The following ZBTB20 variants were observed in gnomAD, a reference collection of about 807,000 sequenced individuals.
The protein encoded by ZBTB20 is zinc finger and BTB domain containing 20.
Under a neutral mutation model 56.9 loss-of-function variants are expected in ZBTB20, and 9 were observed. The ratio of observed to expected loss-of-function variants is 0.16; its 90% CI spans 0.10 to 0.28. ZBTB20 has a LOEUF of 0.28. Among genes scored for constraint, ZBTB20 ranks in the 10% least tolerant of loss-of-function variants. The probability of loss-of-function intolerance (pLI) is 1.00; values close to 1 mark genes in which losing one functional copy is unlikely to be tolerated. For synonymous variants in ZBTB20, 417 were observed against 420.7 expected (o/e 0.99, Z 0.11); for missense variants, 655 against 1,003.0 (o/e 0.65, Z 4.69).
rs2067739432 is a variant in ZBTB20, at chr3:114,753,391, G to GTA, written c.-343+47708_-343+47709dup. ...ATATATAATGTATATACACATACAT[G>GTA]TATGTATATATATACACACACGTAT... On this transcript the variant is annotated intron_variant, in intron 5 of 11. Transcript: ENST00000675478. Among the ~76,000 whole-genome samples the GTA allele has an allele frequency of 3.7e-4, 6 of 16,096 alleles. 2 individuals are homozygous for GTA. Among genetic ancestry groups the GTA allele is most frequent in the East Asian group, 8.3e-3 (2 of 242 alleles). The allele number at this position is 16,096 out of a possible 152,430, so 10.6% of individuals were successfully genotyped here.
chr3:114,544,317 A>G (rs2110127349), intron 6 of ZBTB20, among the ~76,000 whole-genome samples: 1 of 152,314 alleles, frequency 6.6e-6, no homozygotes, highest in African/African-American at 2.4e-5. Flanking sequence ...TAAAAATACA[A>G]TGATTTGAAG....
At chr3:114,929,020 A>G in intron 3 of ZBTB20, among the ~76,000 whole-genome samples, 1 of 152,230 alleles carries the variant, frequency 6.6e-6, no homozygotes, top group Non-Finnish European at 1.5e-5. Context: ...TATCTGCTTT[A>G]GTGAGTTTAT....
At chr3:114,499,772 AAG>A (rs1415997905) in intron 7 of ZBTB20, among the ~76,000 whole-genome samples, 4 of 152,158 alleles carry the variant, frequency 2.6e-5, no homozygotes, top group Non-Finnish European at 4.4e-5. Context: ...TTTTCTAAAA[AAG>A]AGTGGTACCT....
chr3:114,374,922 G>C (rs1378607444), intron 10 of ZBTB20, among the ~76,000 whole-genome samples: 1 of 152,172 alleles, frequency 6.6e-6, no homozygotes, highest in Non-Finnish European at 1.5e-5. Context: ...TCAGCTTTCC[G>C]ATTGGAAACT....
At chr3:114,893,824 A>G (rs1039009146) in intron 4 of ZBTB20, among the ~76,000 whole-genome samples, 5 of 152,162 alleles carry the variant, frequency 3.3e-5, no homozygotes, top group African/African-American at 1.2e-4. Flanking sequence ...CATCCATACA[A>G]ATGGGGGCCA....
chr3:114,800,912 G>A (rs1004086511), intron 5 of ZBTB20, among the ~76,000 whole-genome samples, 189 bp downstream of exon 5: 1 of 151,528 alleles, frequency 6.6e-6, no homozygotes, highest in Non-Finnish European at 1.5e-5. Context: ...ATTTAGGTTG[G>A]ATAAAAAAGA....
chr3:114,522,823 T>C (rs1229844763), intron 6 of ZBTB20, among the ~76,000 whole-genome samples: 1 of 152,198 alleles, frequency 6.6e-6, no homozygotes, highest in Admixed American at 6.5e-5. Flanking sequence ...GGAGGCTATG[T>C]ATTTGCTTGG....
rs144906157 is a variant in ZBTB20 at position 114,956,907 on chromosome 3, C to T, written c.-456+17459G>A. 3.8e-3 allele frequency among the ~76,000 whole-genome samples: 577 copies of T among 152,256 alleles called. 2 individuals carry two copies. Among genetic ancestry groups the T allele is most frequent in the Non-Finnish European group, 6.2e-3 (425 of 68,016 alleles). On this transcript the variant is annotated intron_variant, in intron 3 of 11. Transcript: ENST00000675478. ...ACATAATGCCACATGGTTCCTAATA[C>T]GCAACAATGTACACTGTTCCAGCAA...
At chr3:114,423,827 A>T (rs2718436) in intron 7 of ZBTB20, among the ~76,000 whole-genome samples, 138,960 of 152,226 alleles carry the variant, frequency 0.91, 64,773 homozygotes, top group East Asian at 1. Context: ...AGGCTTTGGC[A>T]TCTCATAAAA....
At chr3:114,719,103 T>C (rs2064721398) in intron 5 of ZBTB20, among the ~76,000 whole-genome samples, 1 of 143,386 alleles carries the variant, frequency 7.0e-6, no homozygotes, top group South Asian at 2.2e-4. Flanking sequence ...GAAGAAGAAG[T>C]AAAGATTAGC....
chr3:115,041,205 A>G (rs931091391), intron 2 of ZBTB20, among the ~76,000 whole-genome samples: 1 of 152,138 alleles, frequency 6.6e-6, no homozygotes, highest in African/African-American at 2.4e-5. Context: ...ATATGTGTAA[A>G]ACACCTAAAC....
intron 4 of ZBTB20, among the ~76,000 whole-genome samples, chr3:114,879,463 G>GCC (rs2076316071): frequency 1.3e-5 from 2 of 152,122 alleles, no homozygotes; most frequent in Admixed American, 6.5e-5. Flanking sequence ...ACTGGAATGA[G>GCC]TAGTCAGGAA....
intron 4 of ZBTB20, among the ~76,000 whole-genome samples, chr3:114,895,604 T>A (rs962301866): frequency 2.6e-5 from 4 of 152,262 alleles, no homozygotes; most frequent in African/African-American, 9.6e-5. Context: ...GAGCCATAAT[T>A]GGACCAAAGT....
At chr3:114,381,681 G>C (rs1241134794) in intron 8 of ZBTB20, among the ~76,000 whole-genome samples, 1 of 152,208 alleles carries the variant, frequency 6.6e-6, no homozygotes, top group Admixed American at 6.5e-5. Context: ...TTGTTATGCA[G>C]AATATTTTGT....
intron 4 of ZBTB20, among the ~76,000 whole-genome samples, chr3:114,869,225 T>G (rs949991675): frequency 6.6e-6 from 1 of 152,182 alleles, no homozygotes; most frequent in African/African-American, 2.4e-5. Flanking sequence ...TCAAAACTCC[T>G]TAGAAGCTCG....
At chr3:114,357,331 G>T (rs573838218) in intron 10 of ZBTB20, 1 of 152,232 alleles carries the variant, frequency 6.6e-6, no homozygotes, top group South Asian at 2.1e-4. Flanking sequence ...TGCAGGAATG[G>T]CTACCTATGA....
At chr3:114,773,424 A>G (rs1046559268) in intron 5 of ZBTB20, among the ~76,000 whole-genome samples, 1 of 152,214 alleles carries the variant, frequency 6.6e-6, no homozygotes, top group African/African-American at 2.4e-5. Context: ...AGGAACCACT[A>G]CTATGAAAAA....
chr3:114,637,041 T>A (rs1156444263), intron 6 of ZBTB20, among the ~76,000 whole-genome samples: 2 of 152,076 alleles, frequency 1.3e-5, no homozygotes, highest in Non-Finnish European at 2.9e-5. Context: ...GTGGCTATTC[T>A]TATATCATAC....
chr3:114,790,590 C>CT (rs749460108), intron 5 of ZBTB20, among the ~76,000 whole-genome samples: 51 of 147,182 alleles, frequency 3.5e-4, no homozygotes, highest in Middle Eastern at 3.5e-3. Flanking sequence ...AATCAGTATA[C>CT]TTTTTTTTTT....
Sources: gnomAD v4.1 joint callset for allele counts (sites outside exome capture counted in the v4.1 genomes callset) on GRCh38, gnomAD v4.1.1 for gene constraint, MANE v1.5 for transcripts, NCBI Gene and HGNC (gene_info 2026-07-23, HGNC 2026-07-21) for gene names.